Variants in CATSPERE observed in about 807,000 individuals in gnomAD.
CATSPERE encodes the protein cation channel sperm-associated auxiliary subunit epsilon.
CATSPERE carries 93 observed loss-of-function variants against 114.1 expected under a neutral mutation model. That is an observed-to-expected ratio of 0.81 (90% confidence interval 0.69 to 0.97). The LOEUF (loss-of-function observed/expected upper bound fraction) is 0.97, where lower values mean the gene tolerates loss of function less well. Ranked by LOEUF, CATSPERE falls within the 50% of genes least tolerant of loss-of-function variation. The pLI is 0.00. For missense variants in CATSPERE, 1,058 were observed against 1,131.6 expected, an observed-to-expected ratio of 0.93 and a Z score of 0.93; for synonymous variants, 341 against 384.1, an observed-to-expected ratio of 0.89 and a Z score of 1.31.
At position 244,479,672 on chromosome 1, in the gene CATSPERE, G is replaced by T; in HGVS notation, c.259-45G>T. On this transcript the variant is annotated intron_variant, in intron 4 of 21. Transcript: ENST00000366534. ...TGTGGCTATATCCATATTTGCATTT[G>T]ATTTAATGTTAATATATCACAGTTT... is the stretch of plus-strand genomic sequence containing the variant. The T allele has an allele frequency of 2.4e-6, 3 of 1,237,510 alleles. No homozygotes were observed. In the South Asian group the frequency reaches 3.8e-5, roughly 16 times the overall value. The allele number at this position is 1,237,510 out of a possible 1,614,324, so 76.7% of individuals were successfully genotyped here.
At chr1:244,563,716 A>G (rs1427139587) in intron 10 of CATSPERE, among the ~76,000 whole-genome samples, 1 of 152,014 alleles carries the variant, frequency 6.6e-6, no homozygotes, top group African/African-American at 2.4e-5. Flanking sequence ...TTGCCTTTTC[A>G]CTCTGATGAT....
intron 17 of CATSPERE, among the ~76,000 whole-genome samples, chr1:244,601,648 A>G (rs1669229888): frequency 6.6e-6 from 1 of 152,084 alleles, no homozygotes; most frequent in Non-Finnish European, 1.5e-5. Flanking sequence ...GCAAGAGAGA[A>G]ATGCTGTGTG....
intron 9 of CATSPERE, among the ~76,000 whole-genome samples, chr1:244,553,219 C>G (rs962460211): frequency 2.0e-5 from 3 of 152,064 alleles, no homozygotes; most frequent in African/African-American, 7.2e-5. Context: ...TTTACTGTGT[C>G]TATGTGTTGG....
intron 9 of CATSPERE, among the ~76,000 whole-genome samples, chr1:244,553,986 T>C (rs562534151): frequency 6.6e-6 from 1 of 152,310 alleles, no homozygotes; most frequent in African/African-American, 2.4e-5. Flanking sequence ...TCCATCCATA[T>C]TGCTGCAAAC....
chr1:244,459,219 C>CA (rs1233523669), upstream of CATSPERE, among the ~76,000 whole-genome samples: 1 of 151,960 alleles, frequency 6.6e-6, no homozygotes, highest in Non-Finnish European at 1.5e-5. Flanking sequence ...GCTGGGATTA[C>CA]AGGCATGCAT....
intron 7 of CATSPERE, among the ~76,000 whole-genome samples, chr1:244,515,051 A>G (rs1011609152): frequency 5.3e-5 from 8 of 152,206 alleles, no homozygotes; most frequent in Admixed American, 3.3e-4. Context: ...CTATTTTAAA[A>G]TCTCTTCAAT....
chr1:244,485,699 T>TG (rs1378499015), intron 5 of CATSPERE, among the ~76,000 whole-genome samples: 1 of 146,354 alleles, frequency 6.8e-6, no homozygotes, highest in African/African-American at 2.6e-5. Flanking sequence ...TTTTGTTTTT[T>TG]TTGTTTTTTT....
chr1:244,591,820 A>G, intron 15 of CATSPERE, 89 bp downstream of exon 15: 5 of 802,222 alleles, frequency 6.2e-6, no homozygotes, highest in Non-Finnish European at 1.0e-5. Flanking sequence ...GATTATTATT[A>G]GCATCCATGT....
At chr1:244,488,785 C>T (rs1283424169) in intron 5 of CATSPERE, among the ~76,000 whole-genome samples, 4 of 152,144 alleles carry the variant, frequency 2.6e-5, no homozygotes, top group African/African-American at 7.2e-5. Context: ...TTTTAATCAA[C>T]CTTGGACTGT....
chr1:244,543,328 G>A (rs3000693), intron 8 of CATSPERE, among the ~76,000 whole-genome samples: 256 of 152,218 alleles, frequency 1.7e-3, no homozygotes, highest in African/African-American at 6.1e-3. Context: ...ATTCTGTCAC[G>A]TGCAACAACA....
chr1:244,619,606 C>G (rs1332386549), intron 20 of CATSPERE, among the ~76,000 whole-genome samples: 1 of 152,080 alleles, frequency 6.6e-6, no homozygotes, highest in Non-Finnish European at 1.5e-5. Context: ...GCCATGGGGA[C>G]AAGAATACTT....
Position 244,560,987 on chromosome 1 carries a change from T to G in CATSPERE, c.1349T>G (p.Phe450Cys). ...ATTGACAGTGTTACCATGCCACATTTTACATTTTCAGCACTGCCAGGATTA... is the reference window on the plus strand; with the variant it reads ...ATTGACAGTGTTACCATGCCACATTGTACATTTTCAGCACTGCCAGGATTA... ...APIDSVTMPH[F>C]TFSALPGLLL... Residue 450 changes from phenylalanine to cysteine, a missense_variant, in exon 10 of 22, where the codon TTT becomes TGT. Transcript: ENST00000366534. 6.2e-7 allele frequency: 1 copy of G among 1,614,124 alleles called. No homozygotes were observed. The highest frequency in any genetic ancestry group is 8.5e-7 in the Non-Finnish European group (1 of 1,179,994).
At chr1:244,528,791 A>ATGCG (rs1553342528) in intron 8 of CATSPERE, among the ~76,000 whole-genome samples, 4 of 147,362 alleles carry the variant, frequency 2.7e-5, no homozygotes, top group African/African-American at 1.0e-4. Context: ...CCCACCACAC[A>ATGCG]CACACACACA....
chr1:244,538,346 G>T (rs934063449), intron 8 of CATSPERE, among the ~76,000 whole-genome samples: 1 of 152,116 alleles, frequency 6.6e-6, no homozygotes, highest in African/African-American at 2.4e-5. Context: ...TCAAAAATTG[G>T]AAGGGAGGCA....
intron 19 of CATSPERE, among the ~76,000 whole-genome samples, chr1:244,612,608 ACTGGGAAGTC>A (rs1355605608): frequency 7.2e-5 from 11 of 152,168 alleles, no homozygotes; most frequent in Non-Finnish European, 1.6e-4. Context: ...AAAATACTAG[ACTGGGAAGTC>A]CTGGGCTAAA....
chr1:244,569,999 T>A lies in CATSPERE; in HGVS notation c.1508-2331T>A, dbSNP rs114313201. Reference sequence around the variant, plus strand: ...GACTTTTCTGTTTTTTCATGAATATTTTCCTCCTAAGTACCTAGAACAGTA... The same window carrying A: ...GACTTTTCTGTTTTTTCATGAATATATTCCTCCTAAGTACCTAGAACAGTA... On this transcript the variant is annotated intron_variant, in intron 10 of 21. Transcript: ENST00000366534. Among the ~76,000 whole-genome samples the A allele has an allele frequency of 9.6e-3, 1,465 of 152,294 alleles. 29 individuals carry two copies. Among genetic ancestry groups the A allele is most frequent in the African/African-American group, 0.032 (1,343 of 41,566 alleles).
At chr1:244,529,939 T>C (rs1342270681) in intron 8 of CATSPERE, among the ~76,000 whole-genome samples, 1 of 152,100 alleles carries the variant, frequency 6.6e-6, no homozygotes, top group Non-Finnish European at 1.5e-5. Context: ...TGATATATAG[T>C]TTTCCCAGCA....
chr1:244,601,310 A>AT lies in CATSPERE; in HGVS notation c.2304-4379dup, dbSNP rs1224931791. Among the ~76,000 whole-genome samples, 3 of 152,162 alleles carry AT rather than the reference A, an allele frequency of 2.0e-5. No individual in the cohort carries two copies. The East Asian group carries it at 5.8e-4, about 29-fold the overall frequency. On this transcript the variant is annotated intron_variant, in intron 17 of 21. Coordinates refer to ENST00000366534, the MANE Select transcript of CATSPERE (RefSeq NM_001130957.2). ...GACAAATTTCAACATGTGCTTAATA[A>AT]TTTTTTCCAGAAGGGGAAATTACAG...
chr1:244,596,572 T>C (rs1202738124), intron 17 of CATSPERE, among the ~76,000 whole-genome samples: 3 of 151,214 alleles, frequency 2.0e-5, no homozygotes, highest in Non-Finnish European at 4.4e-5. Flanking sequence ...GAATCCTGTA[T>C]AAGAAAATTA....
Sources: gnomAD v4.1 joint callset for allele counts (sites outside exome capture counted in the v4.1 genomes callset) on GRCh38, gnomAD v4.1.1 for gene constraint, MANE v1.5 for transcripts, NCBI Gene and HGNC (gene_info 2026-07-23, HGNC 2026-07-21) for gene names.